The following BRME1 variants were observed in gnomAD, a reference collection of about 807,000 sequenced individuals.
The protein encoded by BRME1 is break repair meiotic recombinase recruitment factor 1, also known as BRCA2 and MEILB2-associating protein 1.
In BRME1, 31 loss-of-function variants were observed where a neutral mutation model predicts 52.6. The ratio of observed to expected loss-of-function variants is 0.59; its 90% CI spans 0.44 to 0.80. The LOEUF (loss-of-function observed/expected upper bound fraction) is 0.80. BRME1 is among the 30% of genes least tolerant of loss of function. The pLI, the probability that BRME1 is intolerant of heterozygous loss-of-function variation, is 0.00. For synonymous variants in BRME1, 359 were observed against 353.6 expected (o/e 1.02, Z -0.17); for missense variants, 804 against 860.3 (o/e 0.93, Z 0.82).
intron 5 of BRME1, among the ~76,000 whole-genome samples, chr19:13,891,135 TTTATTA>T (rs148642817): frequency 7.8e-4 from 114 of 146,668 alleles, no homozygotes; most frequent in African/African-American, 2.0e-3. Flanking sequence ...CAATTTCCTG[TTTATTA>T]TTATTATTAT....
At chr19:13,895,859 A>C (rs978847422) in intron 2 of BRME1, among the ~76,000 whole-genome samples, 1 of 152,226 alleles carries the variant, frequency 6.6e-6, no homozygotes, top group African/African-American at 2.4e-5. Context: ...CCGGGTGCTG[A>C]AGAGGTGATG....
At position 13,883,964 on chromosome 19, in the gene BRME1, C is replaced by T. The variant is rs1206470167; in HGVS notation, c.1764-564G>A. Reference sequence around the variant, plus strand: ...CTCTGCCATCTGACTATCTAATCTGCTGTCTCTCATGTCCCCACACCCCGA... The same window carrying T: ...CTCTGCCATCTGACTATCTAATCTGTTGTCTCTCATGTCCCCACACCCCGA... On this transcript the variant is annotated intron_variant, in intron 7 of 8. Transcript: ENST00000586783. This position sits in a 1 kb window ranked among gnomAD's most constrained non-coding sequence, Gnocchi z 4.2. 1.3e-5 allele frequency among the ~76,000 whole-genome samples: 2 copies of T among 152,128 alleles called. No individual in the cohort carries two copies. Among genetic ancestry groups the T allele is most frequent in the Non-Finnish European group, 2.9e-5 (2 of 68,032 alleles).
chr19:13,893,231 G>C lies in BRME1; in HGVS notation c.207-8C>G, dbSNP rs1444480136. The C allele has an allele frequency of 6.4e-7, 1 of 1,573,326 alleles. No homozygotes were observed. Among genetic ancestry groups the C allele is most frequent in the Non-Finnish European group, 8.6e-7 (1 of 1,159,996 alleles). On this transcript the variant is annotated splice_region_variant and splice_polypyrimidine_tract_variant and intron_variant, in intron 3 of 8. Coordinates refer to ENST00000586783, the MANE Select transcript of BRME1 (RefSeq NM_001345843.2). ...GTTTCCTCATCAGGGGAGCTATGTAGGAAAAGATAAAACTGAAGGAGATCT... is the reference window on the plus strand; with the variant it reads ...GTTTCCTCATCAGGGGAGCTATGTACGAAAAGATAAAACTGAAGGAGATCT...
At chr19:13,894,316 G>C (rs1969725791) in intron 3 of BRME1, among the ~76,000 whole-genome samples, 1 of 152,206 alleles carries the variant, frequency 6.6e-6, no homozygotes, top group Non-Finnish European at 1.5e-5. Flanking sequence ...CCTTAAGTCA[G>C]GAGTTCGAGA....
At chr19:13,896,401 A>G (rs1028684544) in intron 2 of BRME1, among the ~76,000 whole-genome samples, 60 of 147,154 alleles carry the variant, frequency 4.1e-4, no homozygotes, top group Non-Finnish European at 5.5e-4. Flanking sequence ...AAAATATATT[A>G]TTTAAATTAT....
intron 3 of BRME1, among the ~76,000 whole-genome samples, 171 bp from the exon 4 acceptor site, chr19:13,893,394 T>C (rs1308168245): frequency 6.6e-6 from 1 of 152,042 alleles, no homozygotes; most frequent in East Asian, 1.9e-4. Context: ...AAAAATTAGC[T>C]GGATGTGGTG....
At chr19:13,887,732 C>T (rs1024744117) in intron 6 of BRME1, among the ~76,000 whole-genome samples, 2 of 151,458 alleles carry the variant, frequency 1.3e-5, no homozygotes, top group Non-Finnish European at 2.9e-5. Context: ...CCCACATGCT[C>T]GTGTTCAGCC....
At position 13,882,691 on chromosome 19, in the gene BRME1, G is replaced by A. The variant is rs1330260472; in HGVS notation, c.*111C>T. The A allele has an allele frequency of 1.3e-5, 18 of 1,431,724 alleles. No individual in the cohort carries two copies. Among genetic ancestry groups the A allele is most frequent in the South Asian group, 5.0e-5 (4 of 80,116 alleles). The allele number at this position is 1,431,724 out of a possible 1,614,324, so 88.7% of individuals were successfully genotyped here. A position where few individuals can be genotyped will look rare whatever the true frequency, so the allele number is the denominator to read the frequency against. On this transcript the variant is annotated 3_prime_UTR_variant, in exon 9 of 9. Coordinates refer to ENST00000586783, the MANE Select transcript of BRME1 (RefSeq NM_001345843.2). ...TGTTGTCCATGGAAGACCAACTTCC[G>A]GGCAACTGAAGGGAGGTTTGTAGGG... is the stretch of plus-strand genomic sequence containing the variant.
intron 7 of BRME1, among the ~76,000 whole-genome samples, chr19:13,884,547 G>A (rs1599313530): frequency 1.3e-5 from 2 of 151,872 alleles, no homozygotes. Flanking sequence ...AGAATCATGC[G>A]AGCCTGGGAG....
Position 13,889,816 on chromosome 19 carries a change from G to A in BRME1, c.1040C>T (p.Thr347Ile). The change falls in exon 6 of 9, where the codon ACT (threonine) becomes ATT (isoleucine). Residue 347 changes from threonine to isoleucine, a missense_variant. Around this residue, in one of 3 missense-constraint regions of BRME1, gnomAD observed 552 missense variants for 561.1 expected, o/e 0.98. Coordinates refer to ENST00000586783, the MANE Select transcript of BRME1 (RefSeq NM_001345843.2). ...VVIADLSTDP[T>I]ELEERALEVA... ...CTCCAGAGCCCTCTCTTCCAGCTCAGTGGGGTCTGTGCTCAGGTCTGCGAT... is the reference window on the plus strand; with the variant it reads ...CTCCAGAGCCCTCTCTTCCAGCTCAATGGGGTCTGTGCTCAGGTCTGCGAT... 6.2e-7 allele frequency: 1 copy of A among 1,613,116 alleles called. No homozygotes were observed. The highest frequency in any genetic ancestry group is 2.2e-5 in the East Asian group (1 of 44,882).
Position 13,883,462 on chromosome 19 carries a change from G to T in BRME1, c.1764-62C>A. 1 of 1,278,430 alleles carries T rather than the reference G, an allele frequency of 7.8e-7. No individual in the cohort carries two copies. Among genetic ancestry groups the T allele is most frequent in the Non-Finnish European group, 1.1e-6 (1 of 914,810 alleles). The allele number at this position is 1,278,430 out of a possible 1,614,324, so 79.2% of individuals were successfully genotyped here. On this transcript the variant is annotated intron_variant, in intron 7 of 8. Coordinates refer to ENST00000586783, the MANE Select transcript of BRME1 (RefSeq NM_001345843.2). The surrounding 1 kb of genome is among the most constrained non-coding windows in gnomAD (Gnocchi z 4.2). ...CTCACTGGACTACCAGAGCTCTCCA[G>T]TGGGAGGGGCTTCCGCAGGGCCTCG...
At chr19:13,886,214 G>A (rs1168643063) in intron 6 of BRME1, among the ~76,000 whole-genome samples, 159 bp from the exon 7 acceptor site, 1 of 152,276 alleles carries the variant, frequency 6.6e-6, no homozygotes, top group African/African-American at 2.4e-5. Context: ...CGGTAACGGG[G>A]AGGAAATCCA....
At chr19:13,898,408 G>GGATCTCACTTGGGTAACACAGTGA (rs1262695776) in intron 2 of BRME1, among the ~76,000 whole-genome samples, 27 of 152,234 alleles carry the variant, frequency 1.8e-4, no homozygotes, top group African/African-American at 6.5e-4. Flanking sequence ...CTTGAGTCCA[G>GGATCTCACTTGGGTAACACAGTGA]GATCTCACTT....
Position 13,889,170 on chromosome 19 carries a change from A to T in BRME1, c.1668+18T>A. ...CCTGCCCTGGGCAGGTATGTCTGTC[A>T]CTCAGGGCAGCTCTCACCTGCTCAG... On this transcript the variant is annotated intron_variant, in intron 6 of 8. Transcript: ENST00000586783. 6.5e-7 allele frequency: 1 copy of T among 1,537,744 alleles called. No individual in the cohort carries two copies. Among genetic ancestry groups the T allele is most frequent in the Non-Finnish European group, 8.8e-7 (1 of 1,142,332 alleles).
In BRME1 at chr19:13,906,107, G is replaced by T. The variant is rs563647062; in HGVS notation, c.-414C>A. 7.6e-6 allele frequency: 2 copies of T among 264,662 alleles called. No individual in the cohort carries two copies. The highest frequency in any genetic ancestry group is 1.4e-5 in the Non-Finnish European group (2 of 140,052). The allele number at this position is 264,662 out of a possible 1,614,324, so 16.4% of individuals were successfully genotyped here. On this transcript the variant is annotated 5_prime_UTR_variant, in exon 1 of 9. Coordinates refer to ENST00000586783, the MANE Select transcript of BRME1 (RefSeq NM_001345843.2). This position sits in a 1 kb window ranked among gnomAD's most constrained non-coding sequence, Gnocchi z 4.1. ...CGCGCCCCGCGAGGTCCCGCCCCGC[G>T]CATGAGCGACGCAAACACCGCCCTC...
intron 5 of BRME1, 31 bp from the exon 6 acceptor site, chr19:13,890,493 C>A: frequency 6.9e-7 from 1 of 1,442,978 alleles, no homozygotes; most frequent in Non-Finnish European, 9.1e-7. Flanking sequence ...AGCCCCGGGG[C>A]CTTTGATAAC....
Position 13,895,485 on chromosome 19 carries a change from G to C in BRME1, c.93C>G (p.Asp31Glu), listed in dbSNP as rs1358228187. The C allele has an allele frequency of 6.2e-7, 1 of 1,613,938 alleles. No homozygotes were observed. Among genetic ancestry groups the C allele is most frequent in the Non-Finnish European group, 8.5e-7 (1 of 1,179,982 alleles). ...KNPRLGDFYG[D>E]PQSSMLGCLH... is the part of the protein sequence containing the mutation. ...AACAGCCCAACATGGAACTCTGGGG[G>C]TCCCCATAGAAGTCTCCTAGCCTTG... The change falls in exon 3 of 9, where the codon GAC becomes GAG. Residue 31 changes from aspartate to glutamate, a missense_variant. Physicochemically the swap from Asp to Glu is conservative, Grantham distance 45 (BLOSUM62 2). This residue lies in a region of BRME1 where 234 missense variants were observed against 258.1 expected (regional missense o/e 0.91). Coordinates refer to ENST00000586783, the MANE Select transcript of BRME1 (RefSeq NM_001345843.2).
rs1221512891 is a variant in BRME1, at chr19:13,895,427, C to T, written c.151G>A (p.Gly51Arg). ...TGCTGCTGTGTAGAGGGAACAGGTC[C>T]CAATTTGCCCTCTGGCTCCTCAGGG... ...HHPEEPEGKL[G>R]PVPSTQQHGE... The change falls in exon 3 of 9, where the codon GGA becomes AGA. Residue 51 changes from glycine (G) to arginine (R), a missense_variant. Gly to Arg is a moderately radical substitution (Grantham distance 125). This residue lies in a region of BRME1 where 234 missense variants were observed against 258.1 expected (regional missense o/e 0.91). Transcript: ENST00000586783. The T allele has an allele frequency of 6.2e-7, 1 of 1,614,088 alleles. No individual in the cohort carries two copies. Among genetic ancestry groups the T allele is most frequent in the Non-Finnish European group, 8.5e-7 (1 of 1,180,022 alleles).
chr19:13,905,054 G>C, intron 1 of BRME1, 141 bp from the exon 2 acceptor site: 1 of 668,564 alleles, frequency 1.5e-6, no homozygotes, highest in Non-Finnish European at 2.7e-6. Flanking sequence ...GCTCCCACTG[G>C]GACACAGGAT....
Sources: gnomAD v4.1 joint callset for allele counts (sites outside exome capture counted in the v4.1 genomes callset) on GRCh38, gnomAD v4.1.1 for gene constraint, gnomAD v4.1.1 regional missense constraint, Gnocchi (gnomAD v3.1) non-coding constraint, MANE v1.5 for transcripts, NCBI Gene and HGNC (gene_info 2026-07-23, HGNC 2026-07-21) for gene names.